Variants in SNCAIP observed in about 807,000 individuals in gnomAD.
SNCAIP encodes the protein synphilin-1.
SNCAIP carries 43 observed loss-of-function variants against 86.7 expected under a neutral mutation model. That is an observed-to-expected ratio of 0.50 (90% CI 0.39 to 0.64). The LOEUF is 0.64. Among genes scored for constraint, SNCAIP ranks in the 30% least tolerant of loss-of-function variants. The pLI, the probability that SNCAIP is intolerant of heterozygous loss-of-function variation, is 0.00. For synonymous variants in SNCAIP, 417 were observed against 427.2 expected, an observed-to-expected ratio of 0.98 and a Z score of 0.29; for missense variants, 981 against 1,103.1, an observed-to-expected ratio of 0.89 and a Z score of 1.57.
chr5:122,431,901 A>T (rs531215913), intron 5 of SNCAIP, 68 bp from the exon 6 acceptor site: 1 of 783,848 alleles, frequency 1.3e-6, no homozygotes, highest in African/African-American at 1.7e-5. Context: ...TGAAATTACC[A>T]TCTTTAATGT....
intron 7 of SNCAIP, among the ~76,000 whole-genome samples, chr5:122,441,476 A>G (rs868838355): frequency 6.6e-6 from 1 of 152,150 alleles, no homozygotes; most frequent in Non-Finnish European, 1.5e-5. Flanking sequence ...GCCACAGGAG[A>G]GGGGAAGGAG....
At chr5:122,361,082 A>G (rs116629147) in intron 1 of SNCAIP, among the ~76,000 whole-genome samples, 2,634 of 152,002 alleles carry the variant, frequency 0.017, 77 homozygotes, top group African/African-American at 0.061. Context: ...TGAATTGGCA[A>G]TCAGTTCTTT....
chr5:122,423,050 T>C lies in SNCAIP; in HGVS notation c.313T>C (p.Tyr105His), dbSNP rs772610573. The C allele has an allele frequency of 8.1e-6, 13 of 1,613,874 alleles. No homozygotes were observed. The South Asian group carries it at 1.4e-4, about 18-fold the overall frequency. ...DDQKNQKVVEYQKGGESDLGP... is the reference protein window; with the variant it reads ...DDQKNQKVVEHQKGGESDLGP... The stretch of plus-strand genomic sequence containing the variant: ...CCAAAAGAACCAGAAAGTGGTTGAG[T>C]ACCAGAAAGGGGGTGAGTCTGACCT... The change falls in exon 4 of 11, where the codon TAC becomes CAC. Residue 105 changes from tyrosine to histidine, a missense_variant. Coordinates refer to ENST00000261368, the MANE Select transcript of SNCAIP (RefSeq NM_005460.4).
chr5:122,333,065 C>T (rs1202164545), intron 1 of SNCAIP, among the ~76,000 whole-genome samples: 2 of 152,118 alleles, frequency 1.3e-5, no homozygotes, highest in Non-Finnish European at 2.9e-5. Context: ...CTTGTACAAA[C>T]TTTGTGTAGT....
chr5:122,436,086 A>G (rs1198155133), intron 6 of SNCAIP, among the ~76,000 whole-genome samples: 1 of 152,172 alleles, frequency 6.6e-6, no homozygotes, highest in Non-Finnish European at 1.5e-5. Flanking sequence ...GTGGATATCC[A>G]TACTCAAAAG....
chr5:122,458,300 G>T (rs1036712882), intron 10 of SNCAIP, among the ~76,000 whole-genome samples: 3 of 152,182 alleles, frequency 2.0e-5, no homozygotes, highest in South Asian at 2.1e-4. Context: ...TCAACAAGCC[G>T]CTCCTGATTT....
chr5:122,319,036 C>CA (rs1367467506), intron 1 of SNCAIP, among the ~76,000 whole-genome samples: 1 of 149,748 alleles, frequency 6.7e-6, no homozygotes, highest in African/African-American at 2.5e-5. Context: ...GTTTGTCTGC[C>CA]ACTAAGCTCC....
chr5:122,448,527 A>G (rs563625599), intron 8 of SNCAIP, among the ~76,000 whole-genome samples: 1 of 147,500 alleles, frequency 6.8e-6, no homozygotes, highest in South Asian at 2.1e-4. Context: ...AAGTAAATAT[A>G]ACATTTTGAA....
intron 1 of SNCAIP, among the ~76,000 whole-genome samples, chr5:122,381,910 T>A (rs1187393420): frequency 2.0e-5 from 3 of 152,226 alleles, no homozygotes; most frequent in Non-Finnish European, 2.9e-5. Context: ...CAGAAAGATC[T>A]GCTGTTAGTC....
intron 1 of SNCAIP, among the ~76,000 whole-genome samples, chr5:122,336,134 T>G: frequency 6.6e-6 from 1 of 152,176 alleles, no homozygotes; most frequent in East Asian, 1.9e-4. Context: ...AATAAGCCTA[T>G]TTTGCATAGA....
Position 122,451,406 on chromosome 5 carries a change from G to A in SNCAIP, c.2559G>A (p.Ser853=), listed in dbSNP as rs142670607. ...TLQRTSTSNE[S]GDQLKRPFGA... Reference sequence around the variant, plus strand: ...AGCGGACCTCCACAAGTAACGAATCGGGGGATCAACTGAAAAGGCCTTTTG... The same window carrying A: ...AGCGGACCTCCACAAGTAACGAATCAGGGGATCAACTGAAAAGGCCTTTTG... Residue 853 remains serine, a synonymous_variant, in exon 10 of 11, where the codon TCG becomes TCA. Coordinates refer to ENST00000261368, the MANE Select transcript of SNCAIP (RefSeq NM_005460.4). The A allele has an allele frequency of 1.0e-4, 167 of 1,614,056 alleles. No homozygotes were observed. The African/African-American group carries it at 1.5e-3, about 14-fold the overall frequency.
At chr5:122,405,303 T>C (rs1271169273) in intron 3 of SNCAIP, among the ~76,000 whole-genome samples, 1 of 152,248 alleles carries the variant, frequency 6.6e-6, no homozygotes, top group African/African-American at 2.4e-5. Context: ...AATTAGGTGA[T>C]GTATCAAAAG....
At chr5:122,453,226 G>T (rs1022659210) in intron 10 of SNCAIP, among the ~76,000 whole-genome samples, 1 of 152,138 alleles carries the variant, frequency 6.6e-6, no homozygotes, top group African/African-American at 2.4e-5. Context: ...AGAAGAATCT[G>T]CTCAGTTCAC....
chr5:122,451,693 G>A lies in SNCAIP; in HGVS notation c.2754+92G>A, dbSNP rs150315330. On this transcript the variant is annotated intron_variant, in intron 10 of 10. Coordinates refer to ENST00000261368, the MANE Select transcript of SNCAIP (RefSeq NM_005460.4). ...GATTGTGGGCCCACACTACCTTGAG[G>A]GAATCCCCAGGAAAAAAAAAAATCC... 5 of 952,072 alleles carry A rather than the reference G, an allele frequency of 5.3e-6. No individual in the cohort carries two copies. The East Asian group carries it at 1.3e-4, about 25-fold the overall frequency. The allele number at this position is 952,072 out of a possible 1,614,324, so 59.0% of individuals were successfully genotyped here. A position where few individuals can be genotyped will look rare whatever the true frequency, so the allele number is the denominator to read the frequency against.
In SNCAIP at chr5:122,463,570, T is replaced by C; in HGVS notation, c.*74T>C. ...TGAGCCAGAGTCAAAAGAACTCTTC[T>C]TGTAAATCACTTTTTAAATTTTCTC... On this transcript the variant is annotated 3_prime_UTR_variant, in exon 11 of 11. Coordinates refer to ENST00000261368, the MANE Select transcript of SNCAIP (RefSeq NM_005460.4). The C allele has an allele frequency of 1.3e-6, 2 of 1,574,098 alleles. No individual in the cohort carries two copies.
intron 1 of SNCAIP, among the ~76,000 whole-genome samples, chr5:122,350,765 G>A (rs1489477867): frequency 6.6e-6 from 1 of 152,208 alleles, no homozygotes; most frequent in Non-Finnish European, 1.5e-5. Flanking sequence ...CAGCAAGCCT[G>A]ACCAAAAGTT....
chr5:122,412,828 A>G (rs566416137), intron 3 of SNCAIP, among the ~76,000 whole-genome samples: 7 of 152,198 alleles, frequency 4.6e-5, no homozygotes, highest in Non-Finnish European at 8.8e-5. Context: ...CACTCTGCTG[A>G]CTGAAACATC....
At chr5:122,338,240 T>C (rs1310603872) in intron 1 of SNCAIP, among the ~76,000 whole-genome samples, 2 of 152,238 alleles carry the variant, frequency 1.3e-5, no homozygotes, top group Non-Finnish European at 2.9e-5. Flanking sequence ...AATTATAAAT[T>C]ATTTAGCATT....
intron 6 of SNCAIP, among the ~76,000 whole-genome samples, chr5:122,434,828 TC>T: frequency 6.6e-6 from 1 of 152,160 alleles, no homozygotes; most frequent in Non-Finnish European, 1.5e-5. Flanking sequence ...TGAACGGTTT[TC>T]TAATGGATTC....
Sources: gnomAD v4.1 joint callset for allele counts (sites outside exome capture counted in the v4.1 genomes callset) on GRCh38, gnomAD v4.1.1 for gene constraint, MANE v1.5 for transcripts, NCBI Gene and HGNC (gene_info 2026-07-23, HGNC 2026-07-21) for gene names.